Variants in STARD13 observed in about 807,000 individuals in gnomAD.
STARD13 encodes the protein stAR-related lipid transfer protein 13.
A neutral mutation model predicts 106.4 loss-of-function variants in STARD13; 62 were observed. The ratio of observed to expected loss-of-function variants is 0.58; its 90% CI spans 0.48 to 0.72. The LOEUF (loss-of-function observed/expected upper bound fraction) is 0.72, where lower values mean the gene tolerates loss of function less well. Among genes scored for constraint, STARD13 ranks in the 30% least tolerant of loss-of-function variants. The pLI, the probability that STARD13 is intolerant of heterozygous loss-of-function variation, is 0.00. For missense variants in STARD13, 1,387 were observed against 1,424.0 expected (o/e 0.97, Z 0.42); for synonymous variants, 565 against 553.0 (o/e 1.02, Z -0.31).
intron 1 of STARD13, among the ~76,000 whole-genome samples, chr13:33,183,838 C>A (rs1336927590): frequency 6.6e-6 from 1 of 152,176 alleles, no homozygotes. Flanking sequence ...CCAATTCCCC[C>A]AGGCTGCCCC....
At chr13:33,152,244 G>A (rs371473490) in intron 3 of STARD13, among the ~76,000 whole-genome samples, 4 of 152,164 alleles carry the variant, frequency 2.6e-5, no homozygotes, top group Non-Finnish European at 2.9e-5. Context: ...TGTAGGAGTC[G>A]ACAACAACTA....
intron 1 of STARD13, chr13:33,350,197 AG>A: frequency 1.5e-6 from 2 of 1,369,862 alleles, no homozygotes. Flanking sequence ...CATGCCCTGG[AG>A]CCCAGAGCAG....
the STARD13 span, among the ~76,000 whole-genome samples, chr13:33,363,632 C>T: frequency 6.6e-6 from 1 of 152,232 alleles, no homozygotes; most frequent in Non-Finnish European, 1.5e-5. Flanking sequence ...GCACCACACT[C>T]TCTGCCTCAG....
At chr13:33,415,182 C>CA in the STARD13 span, among the ~76,000 whole-genome samples, 1 of 152,138 alleles carries the variant, frequency 6.6e-6, no homozygotes, top group Admixed American at 6.5e-5. Context: ...TCCTGGCTAA[C>CA]ACGGTGAAAC....
chr13:33,240,001 T>C (rs1351957600), intron 1 of STARD13, among the ~76,000 whole-genome samples: 1 of 152,216 alleles, frequency 6.6e-6, no homozygotes, highest in East Asian at 1.9e-4. Flanking sequence ...CCTGTTTCCT[T>C]CCAGAAATTT....
intron 3 of STARD13, among the ~76,000 whole-genome samples, chr13:33,146,687 A>G (rs1406080930): frequency 6.6e-6 from 1 of 152,254 alleles, no homozygotes; most frequent in Non-Finnish European, 1.5e-5. Flanking sequence ...TCATAAAATC[A>G]ACAAAAGTAC....
At chr13:33,628,224 G>A in the STARD13 span, among the ~76,000 whole-genome samples, 1 of 148,658 alleles carries the variant, frequency 6.7e-6, no homozygotes, top group Non-Finnish European at 1.5e-5. Context: ...TACTTCTAAT[G>A]TTTTTCTTTT....
chr13:33,128,890 A>G, intron 5 of STARD13, 39 bp downstream of exon 5: 4 of 1,555,478 alleles, frequency 2.6e-6, no homozygotes, highest in Non-Finnish European at 3.5e-6. Context: ...ATTACTATGA[A>G]ATGGATGAAA....
chr13:33,369,959 A>G, the STARD13 span, among the ~76,000 whole-genome samples: 3 of 152,234 alleles, frequency 2.0e-5, no homozygotes, highest in African/African-American at 7.2e-5. Context: ...TTAAAATATT[A>G]GAAATAACTG....
At chr13:33,131,023 G>A (rs1330684358) in intron 4 of STARD13, among the ~76,000 whole-genome samples, 1 of 152,170 alleles carries the variant, frequency 6.6e-6, no homozygotes, top group Non-Finnish European at 1.5e-5. Flanking sequence ...CCGCGGCTTG[G>A]CACTGTCTTA....
At chr13:33,534,507 CTT>C in the STARD13 span, among the ~76,000 whole-genome samples, 1 of 152,108 alleles carries the variant, frequency 6.6e-6, no homozygotes, top group Non-Finnish European at 1.5e-5. Context: ...AAAAAGGTCT[CTT>C]GTTTATCCTT....
intron 1 of STARD13, among the ~76,000 whole-genome samples, chr13:33,228,738 A>C (rs545780070): frequency 6.6e-6 from 1 of 152,244 alleles, no homozygotes. Context: ...GTTCCACTAC[A>C]TGTCCACTAG....
intron 8 of STARD13, among the ~76,000 whole-genome samples, chr13:33,115,519 T>C (rs1875237107): frequency 6.6e-6 from 1 of 152,174 alleles, no homozygotes; most frequent in Non-Finnish European, 1.5e-5. Flanking sequence ...CCTGCTCAAC[T>C]CAATACCCAT....
the STARD13 span, among the ~76,000 whole-genome samples, chr13:33,646,491 C>T: frequency 2.2e-3 from 332 of 152,236 alleles, 1 homozygote; most frequent in African/African-American, 7.6e-3. Context: ...TCATGGCTGT[C>T]GGCTGCTCAG....
chr13:33,325,299 G>A (rs1053073547), intron 1 of STARD13, among the ~76,000 whole-genome samples: 3 of 152,134 alleles, frequency 2.0e-5, no homozygotes, highest in Non-Finnish European at 2.9e-5. Flanking sequence ...TGAGGCCTCA[G>A]TAGCTCCAAA....
At chr13:33,482,076 A>G in the STARD13 span, among the ~76,000 whole-genome samples, 2 of 152,228 alleles carry the variant, frequency 1.3e-5, no homozygotes, top group Admixed American at 1.3e-4. Flanking sequence ...AGGTATCACA[A>G]TGACATTGTG....
intron 1 of STARD13, among the ~76,000 whole-genome samples, chr13:33,258,523 C>T (rs976179349): frequency 2.6e-5 from 4 of 151,488 alleles, no homozygotes; most frequent in African/African-American, 9.7e-5. Context: ...ATTGTTTGCA[C>T]GCTCTCTAGC....
In STARD13 at chr13:33,130,002, G is replaced by A. The variant is rs1403836089; in HGVS notation, c.675C>T (p.Ala225=). ...CCTDNPVMLD[A]PLVSSSLPQP... is the part of the protein sequence containing the mutation. ...GTGGGAGGCTGCTGCTGACGAGTGG[G>A]GCATCCAGCATGACCGGGTTGTCTG... The change falls in exon 5 of 14, where the codon GCC becomes GCT. Residue 225 remains alanine (A), a synonymous_variant. Coordinates refer to ENST00000336934, the MANE Select transcript of STARD13 (RefSeq NM_178006.4). The surrounding 1 kb of genome is among the most constrained non-coding windows in gnomAD (Gnocchi z 4.1). 6.2e-7 allele frequency: 1 copy of A among 1,612,918 alleles called. No homozygotes were observed. The highest frequency in any genetic ancestry group is 2.2e-5 in the East Asian group (1 of 44,880).
At chr13:33,565,014 A>C in the STARD13 span, among the ~76,000 whole-genome samples, 1 of 145,776 alleles carries the variant, frequency 6.9e-6, no homozygotes, top group Admixed American at 7.1e-5. Context: ...AGAAAAAAAG[A>C]AAAAAAAATC....
Sources: allele counts gnomAD v4.1 joint callset (sites outside exome capture counted in the v4.1 genomes callset), GRCh38; gene constraint gnomAD v4.1.1; non-coding constraint Gnocchi (gnomAD v3.1); transcripts MANE v1.5; gene names NCBI Gene and HGNC (gene_info 2026-07-23, HGNC 2026-07-21).